The following CNR2 variants were observed in gnomAD, a reference collection of about 807,000 sequenced individuals.
CNR2 encodes the protein cannabinoid receptor 2 (macrophage).
For synonymous variants in CNR2, 172 were observed against 182.2 expected (o/e 0.94, Z 0.45); for missense variants, 379 against 439.9 (o/e 0.86, Z 1.24).
At position 23,871,933 on chromosome 1, in the gene CNR2, G is replaced by A. The variant is rs1639771047; in HGVS notation, c.*2602C>T. On this transcript the variant is annotated 3_prime_UTR_variant, in exon 2 of 2. Transcript: ENST00000374472. Reference sequence around the variant, plus strand: ...GGATCACTTGAGGTCAGGAGTTCAAGACCAGCCTGGGCAAGATGGTGAAAC... The same window carrying A: ...GGATCACTTGAGGTCAGGAGTTCAAAACCAGCCTGGGCAAGATGGTGAAAC... 6.6e-6 allele frequency: 1 copy of A among 151,886 alleles called. No individual in the cohort carries two copies. The highest frequency in any genetic ancestry group is 1.5e-5 in the Non-Finnish European group (1 of 68,000). 9.4% of individuals were successfully genotyped at this position (151,886 alleles called of 1,614,324 possible). A position where few individuals can be genotyped will look rare whatever the true frequency, so the allele number is the denominator to read the frequency against.
chr1:23,901,609 G>T, intron 1 of CNR2: 1 of 1,606,050 alleles, frequency 6.2e-7, no homozygotes, highest in Non-Finnish European at 8.5e-7. Flanking sequence ...AGTAGCTGAG[G>T]TTGCTGCCGT....
intron 1 of CNR2, among the ~76,000 whole-genome samples, chr1:23,911,680 G>A (rs1640587885): frequency 6.6e-6 from 1 of 152,270 alleles, no homozygotes; most frequent in South Asian, 2.1e-4. Context: ...AATGAGGTGG[G>A]AAGAGAGGGG....
chr1:23,903,650 A>C (rs1640440129), intron 1 of CNR2, among the ~76,000 whole-genome samples: 1 of 152,154 alleles, frequency 6.6e-6, no homozygotes, highest in Non-Finnish European at 1.5e-5. Context: ...ACATATCAAA[A>C]GTGCTCCTCA....
intron 1 of CNR2, among the ~76,000 whole-genome samples, chr1:23,885,173 G>A (rs954650904): frequency 6.6e-6 from 1 of 152,046 alleles, no homozygotes; most frequent in Non-Finnish European, 1.5e-5. Context: ...GTTGAAATGG[G>A]AGGATCCCTT....
rs564460350 is a variant in CNR2, at chr1:23,901,945, G to A, written c.-46+11301C>T. 7.5e-6 allele frequency: 12 copies of A among 1,603,074 alleles called. No homozygotes were observed. The East Asian group carries it at 2.7e-4, about 36-fold the overall frequency. On this transcript the variant is annotated intron_variant, in intron 1 of 1. Transcript: ENST00000374472. Reference sequence around the variant, plus strand: ...TCTGCGGGGTGAGGCCCTTCCTCTTGATCAGGGGGAAGTCCAGGCGGGGCT... The same window carrying A: ...TCTGCGGGGTGAGGCCCTTCCTCTTAATCAGGGGGAAGTCCAGGCGGGGCT...
intron 1 of CNR2, among the ~76,000 whole-genome samples, chr1:23,883,557 G>A (rs1640029474): frequency 6.6e-6 from 1 of 152,230 alleles, no homozygotes; most frequent in Non-Finnish European, 1.5e-5. Context: ...GGGCGTGGTA[G>A]CTCATGCTTG....
At chr1:23,902,884 G>A in intron 1 of CNR2, 2 of 1,155,138 alleles carry the variant, frequency 1.7e-6, no homozygotes, top group South Asian at 4.2e-5. Context: ...CCGCGGCCGC[G>A]GCGCTGGCGG....
Position 23,871,525 on chromosome 1 carries a change from A to G in CNR2, c.*3010T>C, listed in dbSNP as rs1371806174. On this transcript the variant is annotated 3_prime_UTR_variant, in exon 2 of 2. Transcript: ENST00000374472. ...CTTTTCAGAAACAGTTCAGTTCCAC[A>G]CATATTGACCAGATCCCTTCAGATG... is the stretch of plus-strand genomic sequence containing the variant. 4 of 152,240 alleles carry G rather than the reference A, an allele frequency of 2.6e-5. No individual in the cohort carries two copies. The highest frequency in any genetic ancestry group is 1.3e-4 in the Admixed American group (2 of 15,288). The allele number at this position is 152,240 out of a possible 1,614,324, so 9.4% of individuals were successfully genotyped here. A position where few individuals can be genotyped will look rare whatever the true frequency, so the allele number is the denominator to read the frequency against.
chr1:23,905,583 G>T (rs1640474257), intron 1 of CNR2, among the ~76,000 whole-genome samples: 1 of 151,980 alleles, frequency 6.6e-6, no homozygotes, highest in Admixed American at 6.6e-5. Flanking sequence ...TGTAGTTGGG[G>T]AAACCAGCAT....
chr1:23,913,160 CA>C, intron 1 of CNR2, 85 bp downstream of exon 1: 3 of 173,560 alleles, frequency 1.7e-5, no homozygotes, highest in Non-Finnish European at 3.6e-5. Context: ...AACTCCGTCT[CA>C]AAAACAAACA....
At chr1:23,903,020 G>A (rs1442364965) in intron 1 of CNR2, among the ~76,000 whole-genome samples, 2 of 151,812 alleles carry the variant, frequency 1.3e-5, no homozygotes, top group Admixed American at 1.3e-4. Context: ...AGCAAAAGCA[G>A]GGAGGTCGGG....
intron 1 of CNR2, among the ~76,000 whole-genome samples, chr1:23,892,489 A>G (rs538814864): frequency 2.6e-5 from 4 of 152,332 alleles, no homozygotes; most frequent in Middle Eastern, 3.4e-3. Flanking sequence ...ATGGATTTAT[A>G]GAATCAATGA....
chr1:23,895,036 AT>A (rs1265597241), intron 1 of CNR2, among the ~76,000 whole-genome samples: 6 of 152,114 alleles, frequency 3.9e-5, no homozygotes, highest in Admixed American at 2.6e-4. Flanking sequence ...CCTGGCCAAC[AT>A]GGCAAAACCC....
Position 23,905,723 on chromosome 1 carries a change from G to A in CNR2, c.-46+7523C>T, listed in dbSNP as rs934909288. Reference sequence around the variant, plus strand: ...AACCTGGCATGAGGACTCAGGCCACGGAGAGACGAGGAACAGCCAGGGATA... The same window carrying A: ...AACCTGGCATGAGGACTCAGGCCACAGAGAGACGAGGAACAGCCAGGGATA... On this transcript the variant is annotated intron_variant, in intron 1 of 1. Coordinates refer to ENST00000374472, the MANE Select transcript of CNR2 (RefSeq NM_001841.3). Among the ~76,000 whole-genome samples the A allele has an allele frequency of 6.6e-4, 100 of 152,172 alleles. 1 individual carries two copies. The highest frequency in any genetic ancestry group is 1.9e-4 in the East Asian group (1 of 5,170).
chr1:23,884,645 G>A (rs750791475), intron 1 of CNR2, among the ~76,000 whole-genome samples: 1 of 151,358 alleles, frequency 6.6e-6, no homozygotes, highest in Non-Finnish European at 1.5e-5. Context: ...TGATATTAGA[G>A]TTATGCTTAT....
chr1:23,891,243 C>T (rs577968212), intron 1 of CNR2, among the ~76,000 whole-genome samples: 2 of 151,426 alleles, frequency 1.3e-5, no homozygotes. Flanking sequence ...GGATTTGGGG[C>T]TGTAGACTGT....
intron 1 of CNR2, among the ~76,000 whole-genome samples, chr1:23,893,878 C>G (rs889405400): frequency 6.6e-6 from 1 of 152,090 alleles, no homozygotes; most frequent in Non-Finnish European, 1.5e-5. Context: ...AGTCCCAGCA[C>G]TTTGGGAGGC....
chr1:23,910,027 C>T (rs898123734), intron 1 of CNR2, among the ~76,000 whole-genome samples: 13 of 151,560 alleles, frequency 8.6e-5, no homozygotes, highest in African/African-American at 3.2e-4. Flanking sequence ...TAGCTCACTG[C>T]AGCCTCAATC....
intron 1 of CNR2, among the ~76,000 whole-genome samples, chr1:23,881,740 A>C (rs1639992074): frequency 6.6e-6 from 1 of 150,960 alleles, no homozygotes; most frequent in Non-Finnish European, 1.5e-5. Flanking sequence ...AATACAAAAA[A>C]TTAGCTGGGC....
Sources: allele counts gnomAD v4.1 joint callset (sites outside exome capture counted in the v4.1 genomes callset), GRCh38; gene constraint gnomAD v4.1.1; transcripts MANE v1.5; gene names NCBI Gene and HGNC (gene_info 2026-07-23, HGNC 2026-07-21).